The following SYNPR variants were observed in gnomAD, a reference collection of about 807,000 sequenced individuals.
SYNPR encodes the protein synaptoporin.
A neutral mutation model predicts 32.9 loss-of-function variants in SYNPR; 23 were observed. The observed-to-expected ratio is 0.70, with a 90% CI of 0.50 to 0.99. The LOEUF (loss-of-function observed/expected upper bound fraction) is 0.99, where lower values mean the gene tolerates loss of function less well. Among genes scored for constraint, SYNPR ranks in the 50% least tolerant of loss-of-function variants. The pLI is 0.00. For synonymous variants in SYNPR, 146 were observed against 135.9 expected, an observed-to-expected ratio of 1.07 and a Z score of -0.52; for missense variants, 318 against 349.3, an observed-to-expected ratio of 0.91 and a Z score of 0.71.
intron 3 of SYNPR, among the ~76,000 whole-genome samples, chr3:63,528,234 A>G (rs892395629): frequency 6.6e-6 from 1 of 152,174 alleles, no homozygotes; most frequent in Non-Finnish European, 1.5e-5. Flanking sequence ...GTTAATGACT[A>G]TTATGCAACC....
chr3:63,420,617 C>G (rs117774923), intron 2 of SYNPR, among the ~76,000 whole-genome samples: 1 of 151,952 alleles, frequency 6.6e-6, no homozygotes, highest in Non-Finnish European at 1.5e-5. Flanking sequence ...TGGAAAATAT[C>G]TTTATAATTT....
chr3:63,260,809 T>C (rs2086431219), intron 2 of SYNPR, among the ~76,000 whole-genome samples: 2 of 151,756 alleles, frequency 1.3e-5, no homozygotes, highest in South Asian at 2.1e-4. Context: ...AGAAAATTTT[T>C]GCAATCTACT....
chr3:63,277,720 G>A (rs1416116127), upstream of SYNPR, among the ~76,000 whole-genome samples: 1 of 152,110 alleles, frequency 6.6e-6, no homozygotes, highest in Admixed American at 6.6e-5. Flanking sequence ...GGCATCCACA[G>A]GCCAAGATGG....
At chr3:63,578,939 G>A (rs981015772) in intron 4 of SYNPR, among the ~76,000 whole-genome samples, 1 of 152,014 alleles carries the variant, frequency 6.6e-6, no homozygotes, top group African/African-American at 2.4e-5. Context: ...CCAGAAACCT[G>A]GGTGTTTCCT....
At chr3:63,238,864 C>T (rs1470371321) in intron 1 of SYNPR, among the ~76,000 whole-genome samples, 1 of 152,066 alleles carries the variant, frequency 6.6e-6, no homozygotes, top group Non-Finnish European at 1.5e-5. Context: ...TTCGGTATAA[C>T]TGTATCTTGG....
At chr3:63,205,849 C>G in the SYNPR span, among the ~76,000 whole-genome samples, 2 of 152,186 alleles carry the variant, frequency 1.3e-5, no homozygotes, top group Non-Finnish European at 2.9e-5. Context: ...TGTTGCACAT[C>G]TTTTTATGGA....
chr3:63,601,055 C>T (rs1700033629), intron 4 of SYNPR, among the ~76,000 whole-genome samples: 1 of 152,092 alleles, frequency 6.6e-6, no homozygotes. Flanking sequence ...GGCAGATCAC[C>T]TGAGGTCGGG....
intron 4 of SYNPR, among the ~76,000 whole-genome samples, chr3:63,569,669 G>A (rs775571622): frequency 1.3e-5 from 2 of 152,222 alleles, no homozygotes; most frequent in Non-Finnish European, 2.9e-5. Context: ...CCACGCAAGC[G>A]TAGGCCCAGT....
intron 1 of SYNPR, among the ~76,000 whole-genome samples, chr3:63,236,240 G>A (rs1437855447): frequency 1.3e-5 from 2 of 151,878 alleles, no homozygotes; most frequent in Non-Finnish European, 2.9e-5. Context: ...CTATACATCA[G>A]TCTCTCTACC....
intron 2 of SYNPR, chr3:63,442,928 C>A: frequency 1.8e-6 from 1 of 548,374 alleles, no homozygotes; most frequent in Non-Finnish European, 2.3e-6. Context: ...TTTTATAAAA[C>A]CACCATTTTT....
intron 3 of SYNPR, chr3:63,545,612 A>C (rs538585249): frequency 1.3e-5 from 2 of 152,232 alleles, no homozygotes; most frequent in South Asian, 4.1e-4. Context: ...CTGTTAAAAA[A>C]AATAAGGCAG....
chr3:63,469,375 C>A (rs1700752975), intron 2 of SYNPR, among the ~76,000 whole-genome samples: 1 of 152,044 alleles, frequency 6.6e-6, no homozygotes, highest in Non-Finnish European at 1.5e-5. Flanking sequence ...TCTAATTTTT[C>A]TATCAAGCAG....
intron 2 of SYNPR, among the ~76,000 whole-genome samples, chr3:63,320,568 C>T (rs2087101043): frequency 6.6e-6 from 1 of 152,060 alleles, no homozygotes; most frequent in Non-Finnish European, 1.5e-5. Context: ...GGGACCAGTT[C>T]TAGTTCCCCC....
At chr3:63,289,763 G>A (rs982294423) in intron 2 of SYNPR, among the ~76,000 whole-genome samples, 1 of 152,138 alleles carries the variant, frequency 6.6e-6, no homozygotes, top group Non-Finnish European at 1.5e-5. Context: ...ATAGTATGTA[G>A]AGACAAGTGC....
chr3:63,273,800 G>A (rs1280334573), upstream of SYNPR, among the ~76,000 whole-genome samples: 1 of 152,156 alleles, frequency 6.6e-6, no homozygotes, highest in Admixed American at 6.5e-5. Flanking sequence ...AAACAAACAT[G>A]TATACATATT....
At chr3:63,586,698 A>G (rs943919299) in intron 4 of SYNPR, among the ~76,000 whole-genome samples, 23 of 149,116 alleles carry the variant, frequency 1.5e-4, no homozygotes, top group Admixed American at 1.3e-3. Context: ...ATATATATAT[A>G]TAAGTATAAT....
At chr3:63,363,432 A>G (rs998196511) in intron 2 of SYNPR, among the ~76,000 whole-genome samples, 3 of 152,170 alleles carry the variant, frequency 2.0e-5, no homozygotes, top group Non-Finnish European at 2.9e-5. Context: ...AGCTTCTGAG[A>G]CTTTCTCAAG....
rs963257572 is a variant in SYNPR, at chr3:63,381,441, G to A, written c.85-99391G>A. 2.0e-5 allele frequency among the ~76,000 whole-genome samples: 3 copies of A among 152,158 alleles called. No individual in the cohort carries two copies. The East Asian group carries it at 5.8e-4, about 29-fold the overall frequency. On this transcript the variant is annotated intron_variant, in intron 2 of 5. Coordinates refer to ENST00000478300, the MANE Select transcript of SYNPR (RefSeq NM_001130003.2). ...ATGGAAGAACATTCCATGCTCATGG[G>A]TAGGAAGAATCAATATCGTGAAAAC...
At chr3:63,552,329 T>TA (rs1238647570) in intron 3 of SYNPR, among the ~76,000 whole-genome samples, 1 of 152,220 alleles carries the variant, frequency 6.6e-6, no homozygotes, top group African/African-American at 2.4e-5. Flanking sequence ...TGATTACCTT[T>TA]AAATCCATTT....
Sources: allele counts gnomAD v4.1 joint callset (sites outside exome capture counted in the v4.1 genomes callset), GRCh38; gene constraint gnomAD v4.1.1; transcripts MANE v1.5; gene names NCBI Gene and HGNC (gene_info 2026-07-23, HGNC 2026-07-21).